The following COL24A1 variants were observed in gnomAD, a reference collection of about 807,000 sequenced individuals.
COL24A1 encodes the protein collagen alpha-1(XXIV) chain.
A neutral mutation model predicts 253.9 loss-of-function variants in COL24A1; 224 were observed. The observed-to-expected ratio is 0.88, with a 90% CI of 0.79 to 0.99. The LOEUF is 0.99. COL24A1 is among the 50% of genes least tolerant of loss of function. The pLI is 0.00. For missense variants in COL24A1, 2,131 were observed against 2,068.5 expected, an observed-to-expected ratio of 1.03 and a Z score of -0.59; for synonymous variants, 685 against 673.7, an observed-to-expected ratio of 1.02 and a Z score of -0.26.
chr1:85,986,757 T>C (rs1693754700), intron 20 of COL24A1, among the ~76,000 whole-genome samples: 1 of 151,856 alleles, frequency 6.6e-6, no homozygotes. Context: ...ATAGCTATAA[T>C]CAAGATCCTT....
intron 2 of COL24A1, among the ~76,000 whole-genome samples, chr1:86,139,635 C>G (rs999292509): frequency 1.3e-5 from 2 of 152,120 alleles, no homozygotes; most frequent in African/African-American, 4.8e-5. Context: ...TAACTCTTAA[C>G]TATTAAATAA....
At chr1:86,144,274 CT>C (rs1234720806) in intron 2 of COL24A1, among the ~76,000 whole-genome samples, 1 of 151,818 alleles carries the variant, frequency 6.6e-6, no homozygotes, top group Non-Finnish European at 1.5e-5. Flanking sequence ...TCATTTATTC[CT>C]TTTGTTGGTT....
At chr1:85,954,837 C>T (rs1690267799) in intron 24 of COL24A1, among the ~76,000 whole-genome samples, 1 of 152,164 alleles carries the variant, frequency 6.6e-6, no homozygotes, top group Non-Finnish European at 1.5e-5. Flanking sequence ...ACTGAAACTG[C>T]AAAGGCCCTA....
At chr1:85,730,950 T>G (rs1291907226) in intron 59 of COL24A1, among the ~76,000 whole-genome samples, 1 of 152,252 alleles carries the variant, frequency 6.6e-6, no homozygotes, top group Non-Finnish European at 1.5e-5. Flanking sequence ...TTCAACTGTC[T>G]GTGAATTATT....
chr1:85,899,194 C>CA (rs1684044062), intron 28 of COL24A1, among the ~76,000 whole-genome samples: 1 of 151,734 alleles, frequency 6.6e-6, no homozygotes, highest in South Asian at 2.1e-4. Context: ...CTTTTTGCTC[C>CA]AAAAGAAACA....
At chr1:85,744,215 C>T (rs551296073) in intron 57 of COL24A1, among the ~76,000 whole-genome samples, 16 of 152,088 alleles carry the variant, frequency 1.1e-4, no homozygotes, top group African/African-American at 2.2e-4. Flanking sequence ...CCAAGAATGA[C>T]AAACCGCTCC....
intron 12 of COL24A1, among the ~76,000 whole-genome samples, chr1:86,039,287 T>C (rs1699276307): frequency 6.6e-6 from 1 of 152,176 alleles, no homozygotes; most frequent in Non-Finnish European, 1.5e-5. Flanking sequence ...AATACATGTA[T>C]GTGATATTAA....
At chr1:85,834,607 C>T (rs752226702) in intron 43 of COL24A1, among the ~76,000 whole-genome samples, 2 of 152,134 alleles carry the variant, frequency 1.3e-5, no homozygotes, top group African/African-American at 2.4e-5. Flanking sequence ...TTGCCAGCCC[C>T]CCTCCGCCCA....
chr1:85,920,757 C>G (rs533963664), intron 24 of COL24A1, among the ~76,000 whole-genome samples: 2 of 151,258 alleles, frequency 1.3e-5, no homozygotes, highest in East Asian at 3.9e-4. Context: ...GGAAAAGTGA[C>G]GAAGTAAGCC....
intron 48 of COL24A1, 101 bp from the exon 49 acceptor site, chr1:85,784,467 A>G (rs1669469533): frequency 1.3e-6 from 1 of 783,896 alleles, no homozygotes; most frequent in South Asian, 1.6e-5. Context: ...GGCCCATTCC[A>G]TAAATACAAG....
chr1:86,028,502 TA>T (rs896613499), intron 14 of COL24A1, among the ~76,000 whole-genome samples: 28 of 152,318 alleles, frequency 1.8e-4, no homozygotes, highest in African/African-American at 6.7e-4. Context: ...TTCACTCTGC[TA>T]CCCTCTACAG....
At chr1:85,863,380 T>A (rs149337798) in intron 37 of COL24A1, among the ~76,000 whole-genome samples, 1,831 of 152,254 alleles carry the variant, frequency 0.012, 35 homozygotes, top group African/African-American at 0.042. Context: ...AGAGAGGGTA[T>A]CCTTGTCTTG....
chr1:86,073,869 T>C (rs1702050240), intron 7 of COL24A1, among the ~76,000 whole-genome samples: 1 of 152,094 alleles, frequency 6.6e-6, no homozygotes. Flanking sequence ...CCAATCAAAC[T>C]AAGCTTCATA....
intron 27 of COL24A1, 60 bp from the exon 28 acceptor site, chr1:85,907,307 G>T: frequency 3.0e-6 from 4 of 1,340,462 alleles, no homozygotes; most frequent in South Asian, 1.2e-5. Context: ...CAGAATAATA[G>T]CCATAATCTT....
At chr1:85,841,153 G>C in intron 42 of COL24A1, 69 bp downstream of exon 42, 1 of 1,038,646 alleles carries the variant, frequency 9.6e-7, no homozygotes, top group South Asian at 1.5e-5. Flanking sequence ...GATTTAATTG[G>C]TGTTGTGAAT....
intron 18 of COL24A1, among the ~76,000 whole-genome samples, chr1:86,021,154 G>A (rs567890102): frequency 7.3e-4 from 111 of 152,176 alleles, no homozygotes; most frequent in African/African-American, 2.2e-3. Context: ...GAGTTAGAGG[G>A]AACACAATGA....
At chr1:85,998,824 A>G (rs1192074488) in intron 19 of COL24A1, among the ~76,000 whole-genome samples, 1 of 152,216 alleles carries the variant, frequency 6.6e-6, no homozygotes, top group African/African-American at 2.4e-5. Flanking sequence ...CCGCATATGC[A>G]AGTATCATCT....
intron 19 of COL24A1, among the ~76,000 whole-genome samples, chr1:86,015,541 G>A (rs1046613805): frequency 1.7e-4 from 26 of 152,238 alleles, no homozygotes; most frequent in African/African-American, 6.0e-4. Flanking sequence ...TAGCAAGGAG[G>A]TAACATAGCC....
chr1:85,825,131 T>A (rs559139695), intron 43 of COL24A1, among the ~76,000 whole-genome samples: 2 of 135,334 alleles, frequency 1.5e-5, no homozygotes, highest in African/African-American at 2.7e-5. Context: ...TGTCCATGTG[T>A]TCTCATTGTT....
Sources: gnomAD v4.1 joint callset for allele counts (sites outside exome capture counted in the v4.1 genomes callset) on GRCh38, gnomAD v4.1.1 for gene constraint, MANE v1.5 for transcripts, NCBI Gene and HGNC (gene_info 2026-07-23, HGNC 2026-07-21) for gene names.